The following COG5 variants were observed in gnomAD, a reference collection of about 807,000 sequenced individuals.
COG5 encodes the protein component of oligomeric golgi complex 5.
Under a neutral mutation model 110.4 loss-of-function variants are expected in COG5, and 86 were observed. The observed-to-expected ratio is 0.78, with a 90% CI of 0.65 to 0.93. The LOEUF (loss-of-function observed/expected upper bound fraction) is 0.93. Among genes scored for constraint, COG5 ranks in the 40% least tolerant of loss-of-function variants. The pLI, the probability that COG5 is intolerant of heterozygous loss-of-function variation, is 0.00. For synonymous variants in COG5, 360 were observed against 334.6 expected, an observed-to-expected ratio of 1.08 and a Z score of -0.83; for missense variants, 1,077 against 987.0, an observed-to-expected ratio of 1.09 and a Z score of -1.22.
chr7:107,380,366 T>C (rs1321112974), intron 7 of COG5, among the ~76,000 whole-genome samples: 2 of 151,046 alleles, frequency 1.3e-5, no homozygotes, highest in African/African-American at 4.9e-5. Context: ...AAAAAATCAA[T>C]GAATACAGGA....
chr7:107,396,854 CAAT>C (rs1791053674), intron 7 of COG5, among the ~76,000 whole-genome samples: 1 of 151,650 alleles, frequency 6.6e-6, no homozygotes, highest in Non-Finnish European at 1.5e-5. Flanking sequence ...GTTTATTCAA[CAAT>C]AAAATGAATT....
At chr7:107,257,378 T>C (rs1802967238) in intron 15 of COG5, among the ~76,000 whole-genome samples, 1 of 152,128 alleles carries the variant, frequency 6.6e-6, no homozygotes, top group East Asian at 1.9e-4. Flanking sequence ...AATAACTCTT[T>C]AACATGTATT....
At chr7:107,378,154 C>T (rs574392640) in intron 7 of COG5, among the ~76,000 whole-genome samples, 3 of 152,256 alleles carry the variant, frequency 2.0e-5, no homozygotes, top group Non-Finnish European at 2.9e-5. Flanking sequence ...CTCCAGCAAA[C>T]TCCAGCAGAC....
intron 19 of COG5, among the ~76,000 whole-genome samples, chr7:107,219,008 T>C (rs1799713630): frequency 6.6e-6 from 1 of 151,870 alleles, no homozygotes; most frequent in African/African-American, 2.4e-5. Context: ...GCAAGAAAAC[T>C]ACCCAATTTA....
At chr7:107,379,893 C>T (rs1387315666) in intron 7 of COG5, among the ~76,000 whole-genome samples, 4 of 152,072 alleles carry the variant, frequency 2.6e-5, no homozygotes, top group Admixed American at 2.0e-4. Context: ...ATAAGGATAT[C>T]AGGACTTGAA....
chr7:107,376,925 C>G (rs146087131), intron 7 of COG5, among the ~76,000 whole-genome samples: 1 of 152,188 alleles, frequency 6.6e-6, no homozygotes, highest in East Asian at 1.9e-4. Context: ...ATAAAGCCAT[C>G]TTGGTCATAA....
chr7:107,475,305 C>T (rs1389205875), intron 6 of COG5: 1 of 1,581,258 alleles, frequency 6.3e-7, no homozygotes, highest in African/African-American at 1.4e-5. Context: ...AAAAAATTAC[C>T]TTTGAAGATA....
intron 6 of COG5, among the ~76,000 whole-genome samples, chr7:107,524,986 T>C (rs562963899): frequency 4.8e-3 from 735 of 152,146 alleles, no homozygotes; most frequent in Non-Finnish European, 8.1e-3. Context: ...TGGAGTGCAG[T>C]TGCAGATCTC....
chr7:107,473,325 A>G (rs1190792614), intron 6 of COG5, among the ~76,000 whole-genome samples: 1 of 151,944 alleles, frequency 6.6e-6, no homozygotes, highest in Non-Finnish European at 1.5e-5. Flanking sequence ...TCTTTTACCA[A>G]GCTTTGTAGC....
rs142357535 is a variant in COG5 at position 107,298,271 on chromosome 7, C to T, written c.1184G>A (p.Arg395His). The change falls in exon 12 of 22, where the codon CGT becomes CAT. Residue 395 changes from arginine to histidine, a missense_variant. Arg to His is a conservative substitution (Grantham distance 29). Transcript: ENST00000297135. ...GATATGCTGACTGTATTGTTGAAGA[C>T]GCTTCCATAAGTCATTATAAAGACG... ...LLRLYNDLWK[R>H]LQQYSQHIQG... 137 of 1,613,396 alleles carry T rather than the reference C, an allele frequency of 8.5e-5. 1 individual carries two copies. In the African/African-American group the frequency reaches 1.2e-3, roughly 14 times the overall value.
intron 19 of COG5, among the ~76,000 whole-genome samples, chr7:107,227,707 G>A (rs1013213388): frequency 6.6e-5 from 9 of 136,606 alleles, no homozygotes; most frequent in Admixed American, 2.2e-4. Context: ...TTTTTGGGGC[G>A]GGGGGTGTGG....
intron 5 of COG5, among the ~76,000 whole-genome samples, chr7:107,539,119 A>C (rs1801797518): frequency 6.6e-6 from 1 of 152,094 alleles, no homozygotes. Flanking sequence ...GTCTAAAAAA[A>C]ATTAAAATTT....
intron 14 of COG5, among the ~76,000 whole-genome samples, chr7:107,268,695 T>A (rs1382203218): frequency 1.3e-5 from 2 of 152,236 alleles, no homozygotes; most frequent in Non-Finnish European, 2.9e-5. Flanking sequence ...CATAATTCTT[T>A]ACCTTCCTGT....
At chr7:107,236,312 T>A (rs1801185402) in intron 18 of COG5, 138 bp downstream of exon 18, 1 of 676,366 alleles carries the variant, frequency 1.5e-6, no homozygotes, top group Admixed American at 2.6e-5. Flanking sequence ...TTTTTTTTTT[T>A]AACTATTTAT....
intron 6 of COG5, among the ~76,000 whole-genome samples, chr7:107,465,857 T>C (rs1003209129): frequency 2.0e-5 from 3 of 152,120 alleles, no homozygotes; most frequent in African/African-American, 7.2e-5. Context: ...ATCTAACTAG[T>C]ATCAATAACA....
intron 14 of COG5, among the ~76,000 whole-genome samples, chr7:107,261,462 C>T (rs1324251570): frequency 1.3e-5 from 2 of 152,082 alleles, no homozygotes; most frequent in African/African-American, 4.8e-5. Flanking sequence ...CAGTTGTTAT[C>T]AACTTCACAG....
intron 6 of COG5, among the ~76,000 whole-genome samples, chr7:107,443,943 G>A (rs1281210867): frequency 6.6e-6 from 1 of 152,136 alleles, no homozygotes; most frequent in Non-Finnish European, 1.5e-5. Context: ...TTGTTTGTAG[G>A]AATCTACAGA....
intron 6 of COG5, among the ~76,000 whole-genome samples, chr7:107,515,843 A>G (rs2129147708): frequency 6.6e-6 from 1 of 152,352 alleles, no homozygotes; most frequent in East Asian, 1.9e-4. Context: ...TTCTCAGTAT[A>G]GCAAAATAAA....
At chr7:107,545,258 T>C (rs1802326167) in intron 5 of COG5, among the ~76,000 whole-genome samples, 1 of 152,048 alleles carries the variant, frequency 6.6e-6, no homozygotes, top group Admixed American at 6.5e-5. Flanking sequence ...ATGTAAAAAA[T>C]ATCCAGGTAT....
Sources: allele counts gnomAD v4.1 joint callset (sites outside exome capture counted in the v4.1 genomes callset), GRCh38; gene constraint gnomAD v4.1.1; transcripts MANE v1.5; gene names NCBI Gene and HGNC (gene_info 2026-07-23, HGNC 2026-07-21).